OR13A1: variants seen among roughly 807,000 people sequenced by gnomAD.
OR13A1 encodes olfactory receptor 13A1.
OR13A1 carries 10 observed loss-of-function variants against 7.5 expected under a neutral mutation model. That is an observed-to-expected ratio of 1.34 (90% CI 0.83 to 2.27). The LOEUF (loss-of-function observed/expected upper bound fraction) is 2.27, where lower values mean the gene tolerates loss of function less well. Among genes scored for constraint, OR13A1 ranks in the 30% most tolerant of loss-of-function variants. The pLI, the probability that OR13A1 is intolerant of heterozygous loss-of-function variation, is 0.00. For missense variants in OR13A1, 509 were observed against 419.1 expected (o/e 1.21, Z -1.87); for synonymous variants, 238 against 177.9 (o/e 1.34, Z -2.69).
At chr10:45,309,721 G>A (rs532303342) in intron 1 of OR13A1, among the ~76,000 whole-genome samples, 52 of 152,282 alleles carry the variant, frequency 3.4e-4, no homozygotes, top group African/African-American at 1.2e-3. Context: ...GTACGTAGAT[G>A]TATGTTTTTT....
Position 45,303,328 on chromosome 10 carries a change from C to T in OR13A1, c.*108G>A. The T allele has an allele frequency of 5.1e-6, 6 of 1,187,454 alleles. No individual in the cohort carries two copies. The highest frequency in any genetic ancestry group is 3.0e-5 in the South Asian group (2 of 66,862). 73.6% of individuals were successfully genotyped at this position (1,187,454 alleles called of 1,614,324 possible). A position where few individuals can be genotyped will look rare whatever the true frequency, so the allele number is the denominator to read the frequency against. Reference sequence around the variant, plus strand: ...CTCCCAGCTCATCCATGCACAGGTTCTGCTGGGTTAGAAAAAACAAGTCTA... The same window carrying T: ...CTCCCAGCTCATCCATGCACAGGTTTTGCTGGGTTAGAAAAAACAAGTCTA... On this transcript the variant is annotated 3_prime_UTR_variant, in exon 4 of 4. Coordinates refer to ENST00000553795, the MANE Select transcript of OR13A1 (RefSeq NM_001004297.3).
In OR13A1 at chr10:45,304,406, T is replaced by A. The variant is rs1319360191; in HGVS notation, c.17A>T (p.Glu6Val). Residue 6 changes from glutamate to valine, a missense_variant, in exon 4 of 4, where the codon GAG (glutamate) becomes GTG (valine). Glu to Val is a moderately radical substitution (Grantham distance 121). Transcript: ENST00000553795. ...GGTTTCTGGGACTATCAGGTGACTC[T>A]CCATCCACAGCTTCATGTGATTTCA... MKLWM[E>V]SHLIVPETRP... 4.3e-6 allele frequency: 7 copies of A among 1,612,684 alleles called. No homozygotes were observed.
rs147112801 is a variant in OR13A1, at chr10:45,309,641, G to A, written c.-224-1833C>T. ...ATTTATAATAATGAAAAGCCTTATC[G>A]CCTTATCACAGTACCTAATACAGGA... is the stretch of plus-strand genomic sequence containing the variant. On this transcript the variant is annotated intron_variant, in intron 1 of 3. Transcript: ENST00000553795. 1.4e-4 allele frequency among the ~76,000 whole-genome samples: 22 copies of A among 152,154 alleles called. No individual in the cohort carries two copies. The South Asian group carries it at 1.9e-3, about 13-fold the overall frequency.
rs753771815 is a variant in OR13A1, at chr10:45,303,425, G to C, written c.*11C>G. 3.2e-6 allele frequency: 5 copies of C among 1,575,732 alleles called. No individual in the cohort carries two copies. Among genetic ancestry groups the C allele is most frequent in the Non-Finnish European group, 4.3e-6 (5 of 1,159,918 alleles). On this transcript the variant is annotated 3_prime_UTR_variant, in exon 4 of 4. Transcript: ENST00000553795. The stretch of plus-strand genomic sequence containing the variant: ...GCAGTCTCCAAGGACAAAAACTTCA[G>C]AAGACACAAGTTAATTTCTGAAGAA...
At chr10:45,304,519 T>C (rs1043560992) in intron 3 of OR13A1, 85 bp from the exon 4 acceptor site, 9 of 1,143,624 alleles carry the variant, frequency 7.9e-6, no homozygotes, top group Non-Finnish European at 1.1e-5. Flanking sequence ...AAGATAGAGA[T>C]GCATTAGGGC....
chr10:45,314,018 A>C (rs1328076285), intron 1 of OR13A1, among the ~76,000 whole-genome samples: 1 of 152,342 alleles, frequency 6.6e-6, no homozygotes, highest in East Asian at 1.9e-4. Context: ...CCACAAAAAA[A>C]CTTGTAACAA....
At chr10:45,302,339 G>A (rs1838222471), downstream of OR13A1, 2 of 152,104 alleles carry the variant, frequency 1.3e-5, no homozygotes, top group South Asian at 4.2e-4. Flanking sequence ...GACCACTGAG[G>A]GTTTCAACAT....
rs184159495 is a variant in OR13A1, at chr10:45,303,764, G to A, written c.659C>T (p.Ala220Val). 1.2e-5 allele frequency: 19 copies of A among 1,614,044 alleles called. No homozygotes were observed. The highest frequency in any genetic ancestry group is 8.3e-5 in the Admixed American group (5 of 60,022). ...GTTCACTATGCCGTAGAAAGCATCC[G>A]CCAGGACAATCATGACACCGTTGAC... is the stretch of plus-strand genomic sequence containing the variant. ...TYVNGVMIVL[A>V]DAFYGIVNFL... The change falls in exon 4 of 4, where the codon GCG becomes GTG. Residue 220 changes from alanine to valine, a missense_variant. By Grantham distance (64) the Ala-to-Val change is moderately conservative. Coordinates refer to ENST00000553795, the MANE Select transcript of OR13A1 (RefSeq NM_001004297.3).
chr10:45,314,629 G>C (rs11239439), intron 1 of OR13A1, among the ~76,000 whole-genome samples: 28,351 of 151,814 alleles, frequency 0.19, 4,036 homozygotes, highest in African/African-American at 0.4. Flanking sequence ...ACAAAACTAA[G>C]AGGTGGTTTT....
chr10:45,315,529 A>AT lies in OR13A1; in HGVS notation c.-231dup, dbSNP rs1363047931. 2 of 152,296 alleles carry AT rather than the reference A, an allele frequency of 1.3e-5. No individual in the cohort carries two copies. Among genetic ancestry groups the AT allele is most frequent in the East Asian group, 3.9e-4 (2 of 5,190 alleles). 9.4% of individuals were successfully genotyped at this position (152,296 alleles called of 1,614,324 possible). A position where few individuals can be genotyped will look rare whatever the true frequency, so the allele number is the denominator to read the frequency against. On this transcript the variant is annotated 5_prime_UTR_variant, in exon 1 of 4. Coordinates refer to ENST00000553795, the MANE Select transcript of OR13A1 (RefSeq NM_001004297.3). ...AAATCCACAGGTAAACTTACACTCAATGGTAAAAGATTCAAACTTTTCTTC... is the reference window on the plus strand; with the variant it reads ...AAATCCACAGGTAAACTTACACTCAATTGGTAAAAGATTCAAACTTTTCTTC...
At position 45,303,318 on chromosome 10, in the gene OR13A1, T is replaced by C. The variant is rs1391130335; in HGVS notation, c.*118A>G. 1.1e-5 allele frequency: 12 copies of C among 1,103,728 alleles called. No individual in the cohort carries two copies. Among genetic ancestry groups the C allele is most frequent in the Non-Finnish European group, 1.6e-5 (12 of 765,630 alleles). 68.4% of individuals were successfully genotyped at this position (1,103,728 alleles called of 1,614,324 possible). Reference sequence around the variant, plus strand: ...GGAACCAGCACTCCCAGCTCATCCATGCACAGGTTCTGCTGGGTTAGAAAA... The same window carrying C: ...GGAACCAGCACTCCCAGCTCATCCACGCACAGGTTCTGCTGGGTTAGAAAA... On this transcript the variant is annotated 3_prime_UTR_variant, in exon 4 of 4. Transcript: ENST00000553795.
intron 1 of OR13A1, among the ~76,000 whole-genome samples, chr10:45,310,942 G>T (rs978311628): frequency 6.6e-5 from 10 of 152,194 alleles, no homozygotes; most frequent in Admixed American, 5.2e-4. Context: ...GAAAAATTAT[G>T]CAGAACCCCA....
chr10:45,305,417 G>A (rs1423950040), intron 3 of OR13A1, among the ~76,000 whole-genome samples: 1 of 152,092 alleles, frequency 6.6e-6, no homozygotes, highest in African/African-American at 2.4e-5. Context: ...GCACCTGTAG[G>A]AAAAACACTG....
intron 1 of OR13A1, chr10:45,308,950 A>T (rs767388206): frequency 2.0e-5 from 3 of 152,228 alleles, no homozygotes; most frequent in Admixed American, 6.5e-5. Flanking sequence ...TGTGGGAGAC[A>T]CTAGGGAGAG....
rs1031792409 is a variant in OR13A1, at chr10:45,307,732, A to C, written c.-155+7T>G. The C allele has an allele frequency of 1.3e-5, 2 of 152,216 alleles. No homozygotes were observed. The highest frequency in any genetic ancestry group is 4.8e-5 in the African/African-American group (2 of 41,452). 9.4% of individuals were successfully genotyped at this position (152,216 alleles called of 1,614,324 possible). A position where few individuals can be genotyped will look rare whatever the true frequency, so the allele number is the denominator to read the frequency against. On this transcript the variant is annotated splice_region_variant and intron_variant, in intron 2 of 3. Transcript: ENST00000553795. ...TACTGCATTCAGACAACACGATGACATCTCACCAGCAGGCCAACAGGATAT... is the reference window on the plus strand; with the variant it reads ...TACTGCATTCAGACAACACGATGACCTCTCACCAGCAGGCCAACAGGATAT...
chr10:45,310,183 T>A (rs572477812), intron 1 of OR13A1, among the ~76,000 whole-genome samples: 7 of 152,320 alleles, frequency 4.6e-5, no homozygotes, highest in Middle Eastern at 3.4e-3. Flanking sequence ...CATTCAGGAA[T>A]AAATGTGTGT....
intron 1 of OR13A1, among the ~76,000 whole-genome samples, chr10:45,308,017 A>G (rs1413906954): frequency 6.6e-6 from 1 of 152,244 alleles, no homozygotes; most frequent in African/African-American, 2.4e-5. Flanking sequence ...AGAAAATTTA[A>G]AAGATTTAAT....
intron 1 of OR13A1, chr10:45,308,958 G>A (rs1838388928): frequency 6.6e-6 from 1 of 152,208 alleles, no homozygotes; most frequent in Admixed American, 6.5e-5. Flanking sequence ...ACACTAGGGA[G>A]AGCTGTTCAC....
At chr10:45,311,660 C>A (rs1243143127) in intron 1 of OR13A1, among the ~76,000 whole-genome samples, 1 of 151,824 alleles carries the variant, frequency 6.6e-6, no homozygotes, top group Non-Finnish European at 1.5e-5. Flanking sequence ...AAGAGAGGAA[C>A]AATAAACACT....
Sources: gnomAD v4.1 joint callset for allele counts (sites outside exome capture counted in the v4.1 genomes callset) on GRCh38, gnomAD v4.1.1 for gene constraint, MANE v1.5 for transcripts, NCBI Gene and HGNC (gene_info 2026-07-23, HGNC 2026-07-21) for gene names.